The following NBEA variants were observed in gnomAD, a reference collection of about 807,000 sequenced individuals.
NBEA encodes the protein lysosomal-trafficking regulator 2.
Under a neutral mutation model 343.4 loss-of-function variants are expected in NBEA, and 44 were observed. The ratio of observed to expected loss-of-function variants is 0.13; its 90% CI spans 0.10 to 0.16. The LOEUF is 0.16. Ranked by LOEUF, NBEA falls within the 10% of genes least tolerant of loss-of-function variation. The pLI, the probability that NBEA is intolerant of heterozygous loss-of-function variation, is 1.00. For missense variants in NBEA, 2,555 were observed against 3,631.3 expected (o/e 0.70, Z 7.62); for synonymous variants, 1,175 against 1,238.7 (o/e 0.95, Z 1.08).
At position 35,137,696 on chromosome 13, in the gene NBEA, T is replaced by C. The variant is rs900941681; in HGVS notation, c.2337-4573T>C. Among the ~76,000 whole-genome samples, 17 of 152,278 alleles carry C rather than the reference T, an allele frequency of 1.1e-4. No individual in the cohort carries two copies. The South Asian group carries it at 3.3e-3, about 30-fold the overall frequency. ...GATATCTAATGTTTATTGTTATTTATTGTGTTACTTTTGGGTAGTAGAATT... is the reference window on the plus strand; with the variant it reads ...GATATCTAATGTTTATTGTTATTTACTGTGTTACTTTTGGGTAGTAGAATT... On this transcript the variant is annotated intron_variant, in intron 17 of 58. Transcript: ENST00000379939.
At chr13:35,445,193 CT>C (rs994341390) in intron 39 of NBEA, among the ~76,000 whole-genome samples, 66 of 152,156 alleles carry the variant, frequency 4.3e-4, no homozygotes, top group Admixed American at 6.6e-4. Flanking sequence ...GATAAGCCAG[CT>C]TTTTTTCCCC....
chr13:35,421,090 T>G (rs935173846), intron 38 of NBEA, among the ~76,000 whole-genome samples: 3 of 152,010 alleles, frequency 2.0e-5, no homozygotes, highest in Admixed American at 1.3e-4. Flanking sequence ...TGATTTTAAA[T>G]GTTTCTTCTT....
intron 1 of NBEA, among the ~76,000 whole-genome samples, chr13:34,953,767 T>A (rs2059413123): frequency 6.6e-6 from 1 of 152,128 alleles, no homozygotes; most frequent in Non-Finnish European, 1.5e-5. Flanking sequence ...AAACCAGGGG[T>A]TCCCAACCCC....
intron 55 of NBEA, among the ~76,000 whole-genome samples, chr13:35,661,694 CATA>C (rs1414734034): frequency 6.6e-6 from 1 of 152,178 alleles, no homozygotes; most frequent in African/African-American, 2.4e-5. Context: ...AAATTTCTAA[CATA>C]ATATGTTGAA....
chr13:35,018,946 A>C (rs1242026930), intron 1 of NBEA, among the ~76,000 whole-genome samples: 1 of 152,108 alleles, frequency 6.6e-6, no homozygotes, highest in Non-Finnish European at 1.5e-5. Flanking sequence ...GAGAGCTTTT[A>C]TAATGAATAT....
chr13:35,479,124 A>G (rs535345584), intron 41 of NBEA, among the ~76,000 whole-genome samples: 76 of 152,364 alleles, frequency 5.0e-4, no homozygotes, highest in Admixed American at 1.2e-3. Context: ...AAGGTATACT[A>G]GGAAACTCAT....
intron 10 of NBEA, among the ~76,000 whole-genome samples, chr13:35,077,844 A>G (rs376872018): frequency 5.1e-4 from 77 of 152,222 alleles, no homozygotes; most frequent in African/African-American, 1.8e-3. Context: ...CCAAATTCCT[A>G]TATATAGCAA....
At chr13:35,171,160 A>T (rs2070433883) in intron 25 of NBEA, 112 bp from the exon 26 acceptor site, 2 of 923,480 alleles carry the variant, frequency 2.2e-6, no homozygotes, top group Non-Finnish European at 3.4e-6. Flanking sequence ...TTTTATTTAT[A>T]AAATATGGTA....
rs1308659678 is a variant in NBEA at position 35,385,486 on chromosome 13, GC to G, written c.6179+33165del. 3.9e-5 allele frequency among the ~76,000 whole-genome samples: 6 copies of G among 152,080 alleles called. No homozygotes were observed. In the East Asian group the frequency reaches 1.2e-3, roughly 29 times the overall value. On this transcript the variant is annotated intron_variant, in intron 38 of 58. Coordinates refer to ENST00000379939, the MANE Select transcript of NBEA (RefSeq NM_001385012.1). ...AGTGCAGAGTGGACAATCACTGGAA[GC>G]CAGAAGTTCTAAACCAGCCTGGGCA...
intron 30 of NBEA, among the ~76,000 whole-genome samples, chr13:35,190,750 G>A (rs1490840938): frequency 6.6e-6 from 1 of 152,118 alleles, no homozygotes; most frequent in African/African-American, 2.4e-5. Context: ...AAATAGGAAA[G>A]TATGGTCAAT....
intron 38 of NBEA, among the ~76,000 whole-genome samples, chr13:35,377,400 A>G (rs1206884768): frequency 6.6e-6 from 1 of 152,154 alleles, no homozygotes; most frequent in Admixed American, 6.5e-5. Context: ...TGGCCATGAG[A>G]AGGAACTATC....
Position 35,628,271 on chromosome 13 carries a change from T to C in NBEA, c.7617+23T>C, listed in dbSNP as rs117815648. On this transcript the variant is annotated intron_variant, in intron 49 of 58. Transcript: ENST00000379939. ...GAGGTAGGTGTTAAATCCCATATTA[T>C]TCCAAAAATTTCTGTCATCTCTCAA... is the stretch of plus-strand genomic sequence containing the variant. 3,661 of 1,498,640 alleles carry C rather than the reference T, an allele frequency of 2.4e-3. 15 individuals are homozygous for C. Among genetic ancestry groups the C allele is most frequent in the Non-Finnish European group, 2.8e-3 (3,139 of 1,118,704 alleles). 92.8% of individuals were successfully genotyped at this position (1,498,640 alleles called of 1,614,324 possible).
rs2081176314 is a variant in NBEA at position 35,584,011 on chromosome 13, A to G, written c.7149A>G (p.Thr2383=). The G allele has an allele frequency of 6.2e-7, 1 of 1,613,718 alleles. No homozygotes were observed. Among genetic ancestry groups the G allele is most frequent in the Non-Finnish European group, 8.5e-7 (1 of 1,179,732 alleles). The part of the protein sequence containing the change: ...YHYNTHYSTA[T]STLSWLVRIE... ...ATAATACCCATTATTCAACAGCAAC[A>G]TCTACTTTATCCTGGCTTGTTCGAA... Residue 2383 remains threonine, a synonymous_variant, in exon 46 of 59, where the codon ACA becomes ACG. Transcript: ENST00000379939.
chr13:35,548,289 G>A (rs549842180), intron 41 of NBEA, among the ~76,000 whole-genome samples: 25 of 152,248 alleles, frequency 1.6e-4, no homozygotes, highest in Middle Eastern at 3.4e-3. Context: ...TGCACTTAAG[G>A]AGTCAAACTA....
chr13:35,646,372 AT>A (rs749659823), intron 51 of NBEA, 24 bp downstream of exon 51: 134 of 1,571,130 alleles, frequency 8.5e-5, no homozygotes, highest in South Asian at 7.5e-4. Flanking sequence ...GCATGTTGAG[AT>A]TTTTTTTTCT....
rs533519674 is a variant in NBEA, at chr13:35,397,851, G to A, written c.6180-34418G>A. 5.9e-5 allele frequency among the ~76,000 whole-genome samples: 9 copies of A among 152,254 alleles called. No individual in the cohort carries two copies. In the East Asian group the frequency reaches 1.5e-3, roughly 26 times the overall value. On this transcript the variant is annotated intron_variant, in intron 38 of 58. Transcript: ENST00000379939. ...AAGTTATAATCTTTTTGCTGATGAAGGGTCTTACCTTGATGTTGATGGCTG... is the reference window on the plus strand; with the variant it reads ...AAGTTATAATCTTTTTGCTGATGAAAGGTCTTACCTTGATGTTGATGGCTG...
At chr13:35,603,995 C>T (rs1042523091) in intron 47 of NBEA, among the ~76,000 whole-genome samples, 2 of 152,116 alleles carry the variant, frequency 1.3e-5, no homozygotes, top group African/African-American at 2.4e-5. Context: ...TAATAATATG[C>T]ATTTCTGATT....
intron 1 of NBEA, among the ~76,000 whole-genome samples, chr13:35,013,525 C>T (rs2061554669): frequency 6.6e-6 from 1 of 150,914 alleles, no homozygotes; most frequent in Non-Finnish European, 1.5e-5. Context: ...GGCTGGAGTG[C>T]AGTGGTACAA....
intron 36 of NBEA, among the ~76,000 whole-genome samples, chr13:35,329,900 C>T (rs925372976): frequency 8.6e-5 from 13 of 151,988 alleles, no homozygotes; most frequent in Admixed American, 5.3e-4. Flanking sequence ...CTTATCTGGC[C>T]TTCTTTACTT....
Sources: gnomAD v4.1 joint callset for allele counts (sites outside exome capture counted in the v4.1 genomes callset) on GRCh38, gnomAD v4.1.1 for gene constraint, MANE v1.5 for transcripts, NCBI Gene and HGNC (gene_info 2026-07-23, HGNC 2026-07-21) for gene names.